CENPP: variants seen among roughly 807,000 people sequenced by gnomAD.
CENPP encodes the protein centromere protein P.
In CENPP, 24 loss-of-function variants were observed where a neutral mutation model predicts 35.6. The ratio of observed to expected loss-of-function variants is 0.67; its 90% CI spans 0.49 to 0.95. CENPP has a LOEUF of 0.95. Ranked by LOEUF, CENPP falls within the 40% of genes least tolerant of loss-of-function variation. CENPP has a pLI of 0.00. For synonymous variants in CENPP, 120 were observed against 125.5 expected (o/e 0.96, Z 0.29); for missense variants, 332 against 345.3 (o/e 0.96, Z 0.31).
Position 92,337,628 on chromosome 9 carries a change from A to G in CENPP, c.377A>G (p.Gln126Arg), listed in dbSNP as rs777187747. 1 of 1,553,684 alleles carries G rather than the reference A, an allele frequency of 6.4e-7. No homozygotes were observed. Among genetic ancestry groups the G allele is most frequent in the East Asian group, 2.2e-5 (1 of 44,574 alleles). The change falls in exon 3 of 8, where the codon CAG (glutamine) becomes CGG (arginine). Residue 126 changes from glutamine (Q) to arginine (R), a missense_variant and splice_region_variant. Gln to Arg is a conservative substitution (Grantham distance 43). Transcript: ENST00000375587. ...FQLEFQILEI[Q>R]NKERLSSAVT... ...CTTGAATTTCAGATTCTGGAAATTC[A>G]GGTAAATTAAGAAGCATGTTGTGAT...
At chr9:92,334,368 C>T (rs950739311) in intron 2 of CENPP, among the ~76,000 whole-genome samples, 1 of 152,098 alleles carries the variant, frequency 6.6e-6, no homozygotes, top group East Asian at 1.9e-4. Context: ...ATACGCCTGC[C>T]TCGGTCTCCC....
chr9:92,560,868 CTTTTTTTT>C (rs58467942), intron 5 of CENPP, among the ~76,000 whole-genome samples: 1 of 126,152 alleles, frequency 7.9e-6, no homozygotes, highest in Non-Finnish European at 1.7e-5. Flanking sequence ...TTTTTCTTGT[CTTTTTTTT>C]TTTTTTTTTT....
intron 5 of CENPP, among the ~76,000 whole-genome samples, chr9:92,541,477 C>T (rs1849319811): frequency 6.8e-6 from 1 of 146,760 alleles, no homozygotes; most frequent in Non-Finnish European, 1.5e-5. Flanking sequence ...TCCCCTGCCT[C>T]AGCCTCCCGA....
intron 4 of CENPP, among the ~76,000 whole-genome samples, chr9:92,369,876 A>G (rs1841969987): frequency 1.3e-5 from 2 of 152,090 alleles, no homozygotes; most frequent in Non-Finnish European, 2.9e-5. Context: ...GTTGAATAGG[A>G]GTGATAGAAG....
At position 92,613,068 on chromosome 9, in the gene CENPP, C is replaced by T. The variant is rs947944403; in HGVS notation, c.786C>T (p.Phe262=). The T allele has an allele frequency of 2.5e-6, 4 of 1,614,066 alleles. No individual in the cohort carries two copies. The African/African-American group carries it at 5.3e-5, about 22-fold the overall frequency. The change falls in exon 8 of 8, where the codon TTC becomes TTT. Residue 262 remains phenylalanine, a synonymous_variant. Coordinates refer to ENST00000375587, the MANE Select transcript of CENPP (RefSeq NM_001012267.3). ...NRAIETAPLS[F]RTLVGLLGIE... ...CCATAGAAACTGCTCCTCTCAGCTTCCGAACCCTGGTAGGACTGCTTGGAA... is the reference window on the plus strand; with the variant it reads ...CCATAGAAACTGCTCCTCTCAGCTTTCGAACCCTGGTAGGACTGCTTGGAA...
intron 5 of CENPP, among the ~76,000 whole-genome samples, chr9:92,596,312 G>C (rs1052218342): frequency 2.6e-5 from 4 of 151,772 alleles, no homozygotes; most frequent in African/African-American, 9.7e-5. Context: ...AAAAATTTTT[G>C]TAGAAATGGG....
chr9:92,555,930 C>T (rs942388013), intron 5 of CENPP, among the ~76,000 whole-genome samples: 13 of 151,960 alleles, frequency 8.6e-5, no homozygotes, highest in Non-Finnish European at 1.5e-4. Context: ...CTTTCTTCTG[C>T]TGGGTCTGTG....
intron 5 of CENPP, among the ~76,000 whole-genome samples, chr9:92,519,175 C>T (rs538143941): frequency 5.0e-4 from 76 of 152,220 alleles, no homozygotes; most frequent in Non-Finnish European, 9.0e-4. Context: ...ATCTCTCATT[C>T]GAATACTTGC....
At chr9:92,592,043 T>TA (rs1242832074) in intron 5 of CENPP, among the ~76,000 whole-genome samples, 1 of 151,084 alleles carries the variant, frequency 6.6e-6, no homozygotes, top group Non-Finnish European at 1.5e-5. Context: ...CCCTAAAACT[T>TA]AAAGTATAAA....
At chr9:92,517,394 G>A (rs960592627) in intron 5 of CENPP, 6 of 560,698 alleles carry the variant, frequency 1.1e-5, no homozygotes, top group Non-Finnish European at 1.3e-5. Context: ...TTCAGGATCT[G>A]TTGTAGAAAT....
chr9:92,341,370 A>G (rs1428292157), intron 3 of CENPP, among the ~76,000 whole-genome samples: 1 of 150,570 alleles, frequency 6.6e-6, no homozygotes, highest in African/African-American at 2.5e-5. Context: ...ATATTCGCAC[A>G]CTCCCTCCCC....
chr9:92,512,742 G>A (rs4744136), intron 5 of CENPP, among the ~76,000 whole-genome samples: 68,007 of 152,044 alleles, frequency 0.45, 17,468 homozygotes, highest in African/African-American at 0.7. Flanking sequence ...TTTTAAACCC[G>A]GAAAGTGAGC....
At chr9:92,550,344 C>T (rs992727190) in intron 5 of CENPP, among the ~76,000 whole-genome samples, 2 of 150,464 alleles carry the variant, frequency 1.3e-5, no homozygotes, top group African/African-American at 2.5e-5. Context: ...TGCAGTGAGC[C>T]GAGATCGTGC....
chr9:92,464,601 A>G, intron 5 of CENPP: 1 of 475,856 alleles, frequency 2.1e-6, no homozygotes, highest in South Asian at 1.6e-5. Flanking sequence ...TCTTCTGTAT[A>G]GAATTCTCTA....
chr9:92,332,620 C>T (rs1232787214), intron 2 of CENPP, among the ~76,000 whole-genome samples: 1 of 152,114 alleles, frequency 6.6e-6, no homozygotes, highest in East Asian at 1.9e-4. Flanking sequence ...CAAGCCTGGC[C>T]AACATGGTGC....
At chr9:92,501,858 TC>T (rs1206260533) in intron 5 of CENPP, among the ~76,000 whole-genome samples, 2 of 152,194 alleles carry the variant, frequency 1.3e-5, no homozygotes, top group Non-Finnish European at 2.9e-5. Context: ...TGCTTCTGAC[TC>T]CCTCCCCCTT....
At chr9:92,417,488 G>A (rs1843652194) in intron 5 of CENPP, 9 of 1,613,262 alleles carry the variant, frequency 5.6e-6, no homozygotes, top group Non-Finnish European at 6.8e-6. Context: ...CCACTGATAA[G>A]TTTCATATTG....
intron 5 of CENPP, chr9:92,460,346 T>C (rs1845059399): frequency 1.7e-6 from 1 of 588,160 alleles, no homozygotes; most frequent in Non-Finnish European, 3.0e-6. Flanking sequence ...TTGTGGTTCT[T>C]TCTAGTTTTC....
chr9:92,611,519 G>C (rs2131400927), intron 6 of CENPP, 126 bp downstream of exon 6: 1 of 701,442 alleles, frequency 1.4e-6, no homozygotes, highest in Admixed American at 2.7e-5. Flanking sequence ...GTCGGTTGGA[G>C]GAATCAGTGG....
Sources: allele counts gnomAD v4.1 joint callset (sites outside exome capture counted in the v4.1 genomes callset), GRCh38; gene constraint gnomAD v4.1.1; transcripts MANE v1.5; gene names NCBI Gene and HGNC (gene_info 2026-07-23, HGNC 2026-07-21).